Variants in MRPL37 observed in about 807,000 individuals in gnomAD.
The protein encoded by MRPL37 is mitochondrial ribosomal protein L37.
A neutral mutation model predicts 44.1 loss-of-function variants in MRPL37; 34 were observed. The observed-to-expected ratio is 0.77, with a 90% CI of 0.59 to 1.03. MRPL37 has a LOEUF of 1.03. Ranked by LOEUF, MRPL37 falls within the 50% of genes least tolerant of loss-of-function variation. The pLI is 0.00. For synonymous variants in MRPL37, 212 were observed against 219.5 expected (o/e 0.97, Z 0.30); for missense variants, 532 against 543.7 (o/e 0.98, Z 0.21).
Position 54,218,028 on chromosome 1 carries a change from GCCCCTTCTTAGT to G in MRPL37, c.1195-141_1195-130del, listed in dbSNP as rs1644209567. On this transcript the variant is annotated intron_variant, in intron 6 of 6. Coordinates refer to ENST00000360840, the MANE Select transcript of MRPL37 (RefSeq NM_016491.4). Reference sequence around the variant, plus strand: ...TCCTCCCAGGCTACAGCCCCTCAATGCCCCTTCTTAGTCCGAGAGAGAGACGATGTCAGAAAA... The same window carrying G: ...TCCTCCCAGGCTACAGCCCCTCAATGCCGAGAGAGAGACGATGTCAGAAAA... 6.3e-6 allele frequency: 5 copies of G among 793,802 alleles called. No homozygotes were observed. The South Asian group carries it at 7.9e-5, about 13-fold the overall frequency. 49.2% of individuals were successfully genotyped at this position (793,802 alleles called of 1,614,324 possible). A position where few individuals can be genotyped will look rare whatever the true frequency, so the allele number is the denominator to read the frequency against.
chr1:54,204,455 A>C (rs1034695535), intron 1 of MRPL37, among the ~76,000 whole-genome samples: 11 of 152,182 alleles, frequency 7.2e-5, no homozygotes, highest in African/African-American at 2.7e-4. Context: ...TTCTATACTA[A>C]GGCCAGAGAG....
intron 3 of MRPL37, among the ~76,000 whole-genome samples, chr1:54,208,889 T>C (rs993634449): frequency 6.6e-6 from 1 of 152,108 alleles, no homozygotes; most frequent in African/African-American, 2.4e-5. Flanking sequence ...TGGCATCTAG[T>C]AAGTAGAAGC....
Position 54,200,308 on chromosome 1 carries a change from G to T in MRPL37, c.65G>T (p.Gly22Val). The T allele has an allele frequency of 6.2e-7, 1 of 1,613,030 alleles. No homozygotes were observed. Among genetic ancestry groups the T allele is most frequent in the Non-Finnish European group, 8.5e-7 (1 of 1,179,730 alleles). The change falls in exon 1 of 7, where the codon GGC becomes GTC. Residue 22 changes from glycine (G) to valine (V), a missense_variant. Gly to Val is a moderately radical substitution (Grantham distance 109, BLOSUM62 -3). Transcript: ENST00000360840. The part of the protein sequence containing the change: ...LAGSGQLGLG[G>V]FGAPRRGAYE... ...GGCTCCGGGCAGCTCGGCCTTGGGGGCTTCGGGGCCCCGAGACGCGGGGCG... is the reference window on the plus strand; with the variant it reads ...GGCTCCGGGCAGCTCGGCCTTGGGGTCTTCGGGGCCCCGAGACGCGGGGCG...
At chr1:54,215,638 C>T (rs1013188063) in intron 5 of MRPL37, among the ~76,000 whole-genome samples, 1 of 152,202 alleles carries the variant, frequency 6.6e-6, no homozygotes, top group Non-Finnish European at 1.5e-5. Context: ...TTGGGTTCTA[C>T]ACCACCCATC....
At chr1:54,223,709 G>A (rs1364232155), downstream of MRPL37, among the ~76,000 whole-genome samples, 1 of 152,160 alleles carries the variant, frequency 6.6e-6, no homozygotes, top group East Asian at 1.9e-4. Context: ...ACTCCAGCAG[G>A]AAAGCTGTGG....
chr1:54,225,241 C>T, downstream of MRPL37: 1 of 1,234,364 alleles, frequency 8.1e-7, no homozygotes, highest in Non-Finnish European at 1.0e-6. Context: ...TCCCAACCCA[C>T]CTTCCGCCAA....
chr1:54,224,411 C>T (rs536657222), downstream of MRPL37, among the ~76,000 whole-genome samples: 8 of 152,318 alleles, frequency 5.3e-5, no homozygotes, highest in African/African-American at 1.4e-4. Flanking sequence ...AGTCCGTGCA[C>T]GGCACTGTTC....
chr1:54,218,559 C>T (rs1450199346), downstream of MRPL37, among the ~76,000 whole-genome samples: 1 of 152,224 alleles, frequency 6.6e-6, no homozygotes, highest in Non-Finnish European at 1.5e-5. Flanking sequence ...GCTAATGTGA[C>T]TTACCTGGCG....
At position 54,205,119 on chromosome 1, in the gene MRPL37, C is replaced by G. The variant is rs1306450742; in HGVS notation, c.448C>G (p.Gln150Glu). Reference sequence around the variant, plus strand: ...TGATCCAAGGAACCACATAGAGAACCAAGACGAGTGCGTTCTGAATGTGAT... The same window carrying G: ...TGATCCAAGGAACCACATAGAGAACGAAGACGAGTGCGTTCTGAATGTGAT... ...VDDPRNHIENQDECVLNVISH... is the reference protein window; with the variant it reads ...VDDPRNHIENEDECVLNVISH... Residue 150 changes from glutamine to glutamate, a missense_variant, in exon 2 of 7, where the codon CAA becomes GAA. Physicochemically the swap from Gln to Glu is conservative, Grantham distance 29 (BLOSUM62 2). Coordinates refer to ENST00000360840, the MANE Select transcript of MRPL37 (RefSeq NM_016491.4). 3 of 1,614,130 alleles carry G rather than the reference C, an allele frequency of 1.9e-6. No homozygotes were observed. The highest frequency in any genetic ancestry group is 2.2e-5 in the East Asian group (1 of 44,878).
chr1:54,225,103 A>T, downstream of MRPL37: 3 of 1,234,342 alleles, frequency 2.4e-6, no homozygotes, highest in Non-Finnish European at 3.0e-6. Flanking sequence ...GGGCACCAGG[A>T]GGAACCTTTT....
chr1:54,215,359 T>G (rs1644190058), intron 5 of MRPL37, among the ~76,000 whole-genome samples: 1 of 152,228 alleles, frequency 6.6e-6, no homozygotes, highest in Non-Finnish European at 1.5e-5. Context: ...GGTGACCTGA[T>G]GTAAAACTGG....
chr1:54,215,487 T>TG (rs1557734582), intron 5 of MRPL37, among the ~76,000 whole-genome samples: 1 of 152,166 alleles, frequency 6.6e-6, no homozygotes, highest in Admixed American at 6.5e-5. Flanking sequence ...ATCCTGGCGC[T>TG]GGCATGGCTG....
At chr1:54,212,437 C>T (rs1644171320) in intron 4 of MRPL37, 64 bp from the exon 5 acceptor site, 2 of 1,582,104 alleles carry the variant, frequency 1.3e-6, no homozygotes, top group Non-Finnish European at 1.7e-6. Flanking sequence ...AGGTGACTTT[C>T]CTGAGGCTTT....
rs919636704 is a variant in MRPL37, at chr1:54,205,423, G to T, written c.646+13G>T. 1.2e-6 allele frequency: 2 copies of T among 1,603,234 alleles called. No individual in the cohort carries two copies. The highest frequency in any genetic ancestry group is 1.7e-6 in the Non-Finnish European group (2 of 1,170,682). ...ACCTGGAACCGAGGTTGGTCATCTT[G>T]TACACCAGAAAGCCTTGGTCTGTTT... is the stretch of plus-strand genomic sequence containing the variant. On this transcript the variant is annotated intron_variant, in intron 3 of 6. Transcript: ENST00000360840.
At chr1:54,214,014 C>T (rs977782885) in intron 5 of MRPL37, among the ~76,000 whole-genome samples, 10 of 152,350 alleles carry the variant, frequency 6.6e-5, no homozygotes, top group African/African-American at 2.2e-4. Flanking sequence ...GAAACCCCAT[C>T]TCTACTAAAA....
intron 3 of MRPL37, among the ~76,000 whole-genome samples, chr1:54,206,961 C>T (rs764278044): frequency 2.4e-4 from 36 of 151,990 alleles, no homozygotes; most frequent in Non-Finnish European, 4.4e-4. Context: ...CTATTTTGGC[C>T]GGGCTGGTCT....
intron 6 of MRPL37, 96 bp from the exon 7 acceptor site, chr1:54,218,076 T>C (rs1644209854): frequency 9.1e-7 from 1 of 1,093,986 alleles, no homozygotes; most frequent in Admixed American, 1.7e-5. Flanking sequence ...AGAAAGTTAC[T>C]GTCCAGGCAC....
At position 54,216,174 on chromosome 1, in the gene MRPL37, G is replaced by A. The variant is rs1157672838; in HGVS notation, c.1024G>A (p.Val342Met). 10 of 1,614,226 alleles carry A rather than the reference G, an allele frequency of 6.2e-6. No individual in the cohort carries two copies. The highest frequency in any genetic ancestry group is 8.5e-6 in the Non-Finnish European group (10 of 1,180,050). The change falls in exon 6 of 7, where the codon GTG becomes ATG. Residue 342 changes from valine (V) to methionine (M), a missense_variant. Physicochemically the swap from Val to Met is conservative, Grantham distance 21. Transcript: ENST00000360840. ...DAKVLEQPVV[V>M]QSVGTDGRVF... is the part of the protein sequence containing the mutation. Reference sequence around the variant, plus strand: ...CAAGGTCTTGGAGCAGCCCGTGGTGGTGCAGAGCGTGGGCACGGATGGACG... The same window carrying A: ...CAAGGTCTTGGAGCAGCCCGTGGTGATGCAGAGCGTGGGCACGGATGGACG...
chr1:54,205,018 G>A lies in MRPL37; in HGVS notation c.347G>A (p.Gly116Asp), dbSNP rs748563137. 33 of 1,613,004 alleles carry A rather than the reference G, an allele frequency of 2.0e-5. No homozygotes were observed. In the South Asian group the frequency reaches 3.3e-4, roughly 16 times the overall value. Residue 116 changes from glycine to aspartate, a missense_variant and splice_region_variant, in exon 2 of 7, where the codon GGT (glycine) becomes GAT (aspartate). Transcript: ENST00000360840. Reference protein sequence around the residue: ...IFHHRCRLLEGVKQALWLTKT... With the variant: ...IFHHRCRLLEDVKQALWLTKT... ...ATTTTTGTGGCTAATTACCTCAAAGGTGTAAAGCAGGCCCTCTGGCTCACC... is the reference window on the plus strand; with the variant it reads ...ATTTTTGTGGCTAATTACCTCAAAGATGTAAAGCAGGCCCTCTGGCTCACC...
Sources: allele counts gnomAD v4.1 joint callset (sites outside exome capture counted in the v4.1 genomes callset), GRCh38; gene constraint gnomAD v4.1.1; transcripts MANE v1.5; gene names NCBI Gene and HGNC (gene_info 2026-07-23, HGNC 2026-07-21).